Variants in NAA11 observed in about 807,000 individuals in gnomAD.
NAA11 encodes N-alpha-acetyltransferase 11, NatA catalytic subunit.
Under a neutral mutation model 16.1 loss-of-function variants are expected in NAA11, and 15 were observed. That is an observed-to-expected ratio of 0.93 (90% CI 0.62 to 1.44). The LOEUF (loss-of-function observed/expected upper bound fraction) is 1.44, where lower values mean the gene tolerates loss of function less well. NAA11 is among the 40% of genes most tolerant of loss of function. The pLI is 0.00. For missense variants in NAA11, 298 were observed against 291.3 expected (o/e 1.02, Z -0.17); for synonymous variants, 122 against 112.4 (o/e 1.09, Z -0.54).
At chr4:79,305,125 G>A (rs913921121) in intron 1 of NAA11, 6 of 152,174 alleles carry the variant, frequency 3.9e-5, no homozygotes, top group African/African-American at 1.4e-4. Flanking sequence ...TCTTCATGTA[G>A]AGAATGCTGC....
intron 2 of NAA11, among the ~76,000 whole-genome samples, chr4:79,242,206 C>T (rs1292190477): frequency 1.3e-5 from 2 of 152,194 alleles, no homozygotes; most frequent in South Asian, 2.1e-4. Context: ...GTAAGCACTA[C>T]AGCAGTCAGC....
intron 2 of NAA11, among the ~76,000 whole-genome samples, chr4:79,277,748 C>T (rs1722692075): frequency 1.3e-5 from 2 of 151,958 alleles, no homozygotes; most frequent in South Asian, 4.1e-4. Context: ...ATTAGCCAAT[C>T]GGAATTAGTT....
the NAA11 span, among the ~76,000 whole-genome samples, chr4:79,209,189 G>C: frequency 6.6e-6 from 1 of 152,100 alleles, no homozygotes; most frequent in East Asian, 1.9e-4. Context: ...ACAGCACCAA[G>C]TGGCCTAAAT....
At position 79,273,295 on chromosome 4, in the gene NAA11, T is replaced by C. The variant is rs77130534; in HGVS notation, c.*122+20710A>G. Among the ~76,000 whole-genome samples the C allele has an allele frequency of 6.0e-3, 909 of 152,078 alleles. 8 individuals are homozygous for C. The highest frequency in any genetic ancestry group is 0.021 in the African/African-American group (865 of 41,510). On this transcript the variant is annotated intron_variant and NMD_transcript_variant, in intron 2 of 2. Transcript: ENST00000511542. ...TAGTTAATATAGCTTTGTAAACACA[T>C]AATATAGTTTTAAATAGATGAGGTT...
At chr4:79,183,125 G>A in the NAA11 span, among the ~76,000 whole-genome samples, 1 of 152,086 alleles carries the variant, frequency 6.6e-6, no homozygotes, top group Admixed American at 6.6e-5. Flanking sequence ...CTAGCAATAT[G>A]TTATGCAATA....
chr4:79,227,355 T>C (rs28546466), intron 2 of NAA11: 18,067 of 151,932 alleles, frequency 0.12, 1,304 homozygotes, highest in African/African-American at 0.19. Context: ...GCAAAGGACA[T>C]GAACAGACAC....
chr4:79,241,305 C>T (rs192909364), intron 2 of NAA11, among the ~76,000 whole-genome samples: 18 of 152,256 alleles, frequency 1.2e-4, no homozygotes, highest in South Asian at 4.1e-4. Flanking sequence ...GTATATAATA[C>T]ATATAACATA....
chr4:79,260,755 TTATAGTC>T lies in NAA11; in HGVS notation c.*122+33243_*122+33249del, dbSNP rs1722230668. 7.2e-5 allele frequency among the ~76,000 whole-genome samples: 11 copies of T among 152,302 alleles called. No homozygotes were observed. In the South Asian group the frequency reaches 2.3e-3, roughly 32 times the overall value. On this transcript the variant is annotated intron_variant and NMD_transcript_variant, in intron 2 of 2. Coordinates refer to the NAA11 transcript ENST00000511542. ...CTTTCTTTGACTTTGAGGGAGTCAT[TTATAGTC>T]CTCCAAATGAAGAAACTTAGTTTAT...
chr4:79,194,119 T>G, the NAA11 span, among the ~76,000 whole-genome samples: 2 of 152,162 alleles, frequency 1.3e-5, no homozygotes, highest in Admixed American at 1.3e-4. Flanking sequence ...AAGGAGATTT[T>G]GGGCTGAGAC....
downstream of NAA11, among the ~76,000 whole-genome samples, chr4:79,224,744 C>T (rs767877653): frequency 4.1e-4 from 62 of 152,064 alleles, 1 homozygote; most frequent in Non-Finnish European, 7.9e-4. Context: ...AAGAATGGGA[C>T]AAAATAATAC....
chr4:79,297,534 A>G (rs892055016), intron 1 of NAA11, among the ~76,000 whole-genome samples: 5 of 152,168 alleles, frequency 3.3e-5, no homozygotes, highest in African/African-American at 1.2e-4. Flanking sequence ...GTCTGCTCCC[A>G]CTGACTTGCC....
At chr4:79,231,317 T>C (rs1721458230) in intron 2 of NAA11, among the ~76,000 whole-genome samples, 1 of 151,952 alleles carries the variant, frequency 6.6e-6, no homozygotes, top group Admixed American at 6.6e-5. Context: ...GAGAGGAAAC[T>C]GCTAGTGGAA....
chr4:79,167,482 A>G, the NAA11 span, among the ~76,000 whole-genome samples: 2 of 151,758 alleles, frequency 1.3e-5, no homozygotes, highest in Admixed American at 1.3e-4. Context: ...CACCATACCT[A>G]TTAAATGGGG....
intron 2 of NAA11, among the ~76,000 whole-genome samples, chr4:79,243,527 A>G (rs970324367): frequency 6.6e-6 from 1 of 152,046 alleles, no homozygotes; most frequent in African/African-American, 2.4e-5. Context: ...CCATGAGAGC[A>G]ATCTCTTTTG....
chr4:79,197,306 T>G, the NAA11 span, among the ~76,000 whole-genome samples: 2 of 152,034 alleles, frequency 1.3e-5, no homozygotes, highest in African/African-American at 2.4e-5. Context: ...GTTCTATTTA[T>G]TCATTCATCC....
intron 2 of NAA11, among the ~76,000 whole-genome samples, chr4:79,226,682 G>GT (rs1189974750): frequency 6.7e-6 from 1 of 149,444 alleles, no homozygotes; most frequent in Non-Finnish European, 1.5e-5. Flanking sequence ...TGTGGTGTTT[G>GT]TTTTTTTGTC....
At chr4:79,187,998 CAAAAAAAAAAAAAAAA>C in the NAA11 span, among the ~76,000 whole-genome samples, 8 of 74,186 alleles carry the variant, frequency 1.1e-4, no homozygotes, top group Non-Finnish European at 1.8e-4. Flanking sequence ...GACTCCGTCT[CAAAAAAAAAAAAAAAA>C]AAAAAAAAAG....
chr4:79,221,073 T>A (rs1249693084), downstream of NAA11, among the ~76,000 whole-genome samples: 1 of 151,886 alleles, frequency 6.6e-6, no homozygotes. Context: ...GTAGTTCTCC[T>A]TGAAGAGGTC....
At chr4:79,284,878 CAAAAAAAAAAAAAA>C (rs558413914) in intron 2 of NAA11, among the ~76,000 whole-genome samples, 1 of 5,146 alleles carries the variant, frequency 1.9e-4, no homozygotes. Flanking sequence ...GACTCCGTCT[CAAAAAAAAAAAAAA>C]AAAAAAAAAA....
Sources: allele counts gnomAD v4.1 joint callset (sites outside exome capture counted in the v4.1 genomes callset), GRCh38; gene constraint gnomAD v4.1.1; transcripts MANE v1.5; gene names NCBI Gene and HGNC (gene_info 2026-07-23, HGNC 2026-07-21).